The following FRMD5 variants were observed in gnomAD, a reference collection of about 807,000 sequenced individuals.
FRMD5 encodes the protein FERM domain containing 5.
A neutral mutation model predicts 69.0 loss-of-function variants in FRMD5; 20 were observed. The ratio of observed to expected loss-of-function variants is 0.29; its 90% CI spans 0.20 to 0.42. The LOEUF (loss-of-function observed/expected upper bound fraction) is 0.42. Among genes scored for constraint, FRMD5 ranks in the 10% least tolerant of loss-of-function variants. The pLI, the probability that FRMD5 is intolerant of heterozygous loss-of-function variation, is 1.00. For synonymous variants in FRMD5, 271 were observed against 260.1 expected (o/e 1.04, Z -0.40); for missense variants, 595 against 708.6 (o/e 0.84, Z 1.82).
intron 1 of FRMD5, among the ~76,000 whole-genome samples, chr15:44,042,344 G>A (rs984544759): frequency 3.9e-5 from 6 of 152,138 alleles, no homozygotes; most frequent in African/African-American, 1.4e-4. Flanking sequence ...AATTCTACCA[G>A]AGGTACAAAG....
At chr15:44,121,522 G>C (rs550630624) in intron 1 of FRMD5, among the ~76,000 whole-genome samples, 1 of 152,166 alleles carries the variant, frequency 6.6e-6, no homozygotes, top group South Asian at 2.1e-4. Context: ...AAGATCTGTA[G>C]TCCCCAATGA....
At chr15:44,118,199 C>CTCCA (rs2076897815) in intron 1 of FRMD5, among the ~76,000 whole-genome samples, 1 of 152,198 alleles carries the variant, frequency 6.6e-6, no homozygotes, top group South Asian at 2.1e-4. Flanking sequence ...TACCAGGTAA[C>CTCCA]TCCATGGTAA....
At chr15:44,194,381 C>G in intron 1 of FRMD5, 1 of 156,754 alleles carries the variant, frequency 6.4e-6, no homozygotes, top group South Asian at 1.9e-4. Context: ...GGGCCTAAAT[C>G]TCTAAAACCC....
At chr15:43,953,414 T>G (rs1037276098) in intron 1 of FRMD5, among the ~76,000 whole-genome samples, 3 of 152,086 alleles carry the variant, frequency 2.0e-5, no homozygotes, top group African/African-American at 7.2e-5. Context: ...GGAGCAGAAT[T>G]AGGAAGCAAG....
chr15:44,116,581 C>T (rs1296544132), intron 1 of FRMD5, among the ~76,000 whole-genome samples: 1 of 151,984 alleles, frequency 6.6e-6, no homozygotes, highest in African/African-American at 2.4e-5. Flanking sequence ...CATTAACTGG[C>T]TAAAGGGTTA....
chr15:44,195,276 C>A, upstream of FRMD5: 1 of 521,488 alleles, frequency 1.9e-6, no homozygotes, highest in South Asian at 2.5e-5. Context: ...GGCTCTGTCT[C>A]CTCGGCGCCC....
At chr15:43,883,877 G>T in intron 12 of FRMD5, 68 bp from the exon 13 acceptor site, 1 of 1,116,228 alleles carries the variant, frequency 9.0e-7, no homozygotes, top group Non-Finnish European at 1.4e-6. Context: ...CTTAAGAATT[G>T]AGTACTGGCT....
At chr15:44,172,885 T>C (rs575644721) in intron 1 of FRMD5, among the ~76,000 whole-genome samples, 5 of 152,324 alleles carry the variant, frequency 3.3e-5, no homozygotes, top group South Asian at 2.1e-4. Context: ...GCTTCAGCTA[T>C]CAAAAGGGAA....
intron 1 of FRMD5, among the ~76,000 whole-genome samples, chr15:43,995,269 A>G (rs1889866540): frequency 6.6e-6 from 1 of 152,218 alleles, no homozygotes. Flanking sequence ...AATGACAAGA[A>G]AAAAAGTCTG....
At chr15:44,175,486 G>A (rs533879259) in intron 1 of FRMD5, among the ~76,000 whole-genome samples, 4 of 152,272 alleles carry the variant, frequency 2.6e-5, no homozygotes, top group African/African-American at 7.2e-5. Flanking sequence ...AGGACACAAA[G>A]TATCTAGAAT....
chr15:44,062,294 C>T (rs1223901797), intron 1 of FRMD5, among the ~76,000 whole-genome samples: 1 of 152,132 alleles, frequency 6.6e-6, no homozygotes, highest in East Asian at 1.9e-4. Flanking sequence ...ATGTATACCA[C>T]ACAAAATACT....
intron 4 of FRMD5, chr15:43,917,784 C>T (rs543306155): frequency 2.7e-4 from 41 of 152,492 alleles, no homozygotes; most frequent in African/African-American, 9.4e-4. Context: ...AAAGCAAGAG[C>T]CACCTCCACT....
Position 43,905,712 on chromosome 15 carries a change from G to A in FRMD5, c.551+116C>T, listed in dbSNP as rs2089154633. 2.3e-6 allele frequency: 3 copies of A among 1,314,644 alleles called. No homozygotes were observed. The South Asian group carries it at 4.0e-5, about 17-fold the overall frequency. The allele number at this position is 1,314,644 out of a possible 1,614,324, so 81.4% of individuals were successfully genotyped here. A position where few individuals can be genotyped will look rare whatever the true frequency, so the allele number is the denominator to read the frequency against. ...GTACATCCGCGGTCAGGAAGGCTGG[G>A]GAGCATCACTCTGTGTCAGTAAACA... On this transcript the variant is annotated intron_variant, in intron 6 of 13. Transcript: ENST00000417257.
At chr15:44,097,268 A>G (rs755611629) in intron 1 of FRMD5, among the ~76,000 whole-genome samples, 1 of 152,244 alleles carries the variant, frequency 6.6e-6, no homozygotes, top group Non-Finnish European at 1.5e-5. Context: ...TAAGGGGAGA[A>G]AAAAACAGCT....
At chr15:44,055,793 C>G (rs1442708509) in intron 1 of FRMD5, among the ~76,000 whole-genome samples, 3 of 152,324 alleles carry the variant, frequency 2.0e-5, no homozygotes, top group East Asian at 3.9e-4. Context: ...CACTTAACCT[C>G]TTTCAGCCTC....
intron 1 of FRMD5, among the ~76,000 whole-genome samples, chr15:44,129,682 A>G (rs922612587): frequency 6.6e-6 from 1 of 152,192 alleles, no homozygotes; most frequent in African/African-American, 2.4e-5. Context: ...ATACTGTAGG[A>G]TAGGCTTTTA....
At chr15:44,171,486 A>G (rs746591139) in intron 1 of FRMD5, among the ~76,000 whole-genome samples, 5 of 152,222 alleles carry the variant, frequency 3.3e-5, no homozygotes, top group Non-Finnish European at 7.3e-5. Flanking sequence ...TGTTTTTAAT[A>G]TACGTTGAAG....
intron 1 of FRMD5, among the ~76,000 whole-genome samples, chr15:43,968,461 G>A (rs2090328718): frequency 6.6e-6 from 1 of 151,906 alleles, no homozygotes; most frequent in Admixed American, 6.6e-5. Context: ...GAATTTCCTG[G>A]GAATTTCATT....
chr15:43,956,462 C>A (rs542537616), intron 1 of FRMD5, among the ~76,000 whole-genome samples: 210 of 152,114 alleles, frequency 1.4e-3, no homozygotes, highest in Non-Finnish European at 2.0e-3. Flanking sequence ...TAAATAAAAT[C>A]AAATTGATTA....
Sources: allele counts gnomAD v4.1 joint callset (sites outside exome capture counted in the v4.1 genomes callset), GRCh38; gene constraint gnomAD v4.1.1; transcripts MANE v1.5; gene names NCBI Gene and HGNC (gene_info 2026-07-23, HGNC 2026-07-21).